Variants in C6 observed in about 807,000 individuals in gnomAD.
The protein encoded by C6 is complement component C6.
Under a neutral mutation model 112.9 loss-of-function variants are expected in C6, and 101 were observed. That is an observed-to-expected ratio of 0.89 (90% CI 0.76 to 1.06). The LOEUF is 1.06. Among genes scored for constraint, C6 ranks in the 50% least tolerant of loss-of-function variants. The pLI is 0.00. For synonymous variants in C6, 431 were observed against 384.1 expected, an observed-to-expected ratio of 1.12 and a Z score of -1.43; for missense variants, 1,202 against 1,104.6, an observed-to-expected ratio of 1.09 and a Z score of -1.25.
chr5:41,185,654 T>A (rs1479678088), intron 6 of C6, among the ~76,000 whole-genome samples: 1 of 152,172 alleles, frequency 6.6e-6, no homozygotes, highest in African/African-American at 2.4e-5. Flanking sequence ...ATTTTTCTTA[T>A]GAGCCTGGCA....
chr5:41,226,831 C>A (rs927379993), intron 1 of C6, among the ~76,000 whole-genome samples: 4 of 152,210 alleles, frequency 2.6e-5, no homozygotes, highest in Non-Finnish European at 2.9e-5. Flanking sequence ...TGTATATACA[C>A]CACATTTTCT....
At chr5:41,257,626 T>A (rs929235320) in intron 1 of C6, among the ~76,000 whole-genome samples, 1 of 152,102 alleles carries the variant, frequency 6.6e-6, no homozygotes, top group Non-Finnish European at 1.5e-5. Context: ...TAAGGAAGGG[T>A]TACCACTATG....
rs561385776 is a variant in C6, at chr5:41,169,839, T to A, written c.1291+2386A>T. Among the ~76,000 whole-genome samples the A allele has an allele frequency of 5.9e-5, 9 of 152,288 alleles. No homozygotes were observed. The South Asian group carries it at 1.9e-3, about 32-fold the overall frequency. On this transcript the variant is annotated intron_variant, in intron 9 of 17. Transcript: ENST00000337836. ...CCTCCAACATTGGGGATTACAATTCTAAATGAGATATGGGAAGGGATACAA... is the reference window on the plus strand; with the variant it reads ...CCTCCAACATTGGGGATTACAATTCAAAATGAGATATGGGAAGGGATACAA...
In C6 at chr5:41,199,906, C is replaced by A. The variant is rs780494075; in HGVS notation, c.307G>T (p.Val103Phe). The A allele has an allele frequency of 5.6e-6, 9 of 1,613,536 alleles. No individual in the cohort carries two copies. Among genetic ancestry groups the A allele is most frequent in the Non-Finnish European group, 7.6e-6 (9 of 1,179,678 alleles). The change falls in exon 4 of 18, where the codon GTT becomes TTT. Residue 103 changes from valine (V) to phenylalanine (F), a missense_variant. Transcript: ENST00000337836. ...CDPCIEKQSKVRSVLRPSQFG... is the reference protein window; with the variant it reads ...CDPCIEKQSKFRSVLRPSQFG... ...TGACTGGGACGCAAGACAGATCTAA[C>A]TTTAGACTGAAAGGAAAGAAGAGAA...
At chr5:41,153,780 C>T (rs1427345868) in intron 15 of C6, 30 bp downstream of exon 15, 2 of 1,563,974 alleles carry the variant, frequency 1.3e-6, no homozygotes, top group African/African-American at 2.7e-5. Context: ...ACCACCTTAT[C>T]AGACCCCAGA....
chr5:41,216,961 C>G (rs1181675575), upstream of C6, among the ~76,000 whole-genome samples: 1 of 151,986 alleles, frequency 6.6e-6, no homozygotes, highest in African/African-American at 2.4e-5. Flanking sequence ...TCCATATTAC[C>G]CTTTAGACTC....
chr5:41,172,269 A>T lies in C6; in HGVS notation c.1247T>A (p.Val416Glu). Residue 416 changes from valine (V) to glutamate (E), a missense_variant, in exon 9 of 18, where the codon GTG becomes GAG. Transcript: ENST00000337836. ...CTTGTTGGTGGTGCACCTATGTTCCACTTTTGTTTTCTTAGCAAATAAAAC... is the reference window on the plus strand; with the variant it reads ...CTTGTTGGTGGTGCACCTATGTTCCTCTTTTGTTTTCTTAGCAAATAAAAC... ...KRVLFAKKTKVEHRCTTNKLS... is the reference protein window; with the variant it reads ...KRVLFAKKTKEEHRCTTNKLS... The T allele has an allele frequency of 6.2e-7, 1 of 1,613,612 alleles. No homozygotes were observed. The highest frequency in any genetic ancestry group is 8.5e-7 in the Non-Finnish European group (1 of 1,179,688).
chr5:41,158,948 T>A, intron 12 of C6, 134 bp downstream of exon 12: 1 of 1,216,352 alleles, frequency 8.2e-7, no homozygotes, highest in Non-Finnish European at 1.2e-6. Flanking sequence ...CAGTGGCTCA[T>A]TAATATTCTG....
intron 8 of C6, 92 bp from the exon 9 acceptor site, chr5:41,172,439 A>G (rs1748507616): frequency 8.2e-7 from 1 of 1,223,006 alleles, no homozygotes. Flanking sequence ...GGATCTACAG[A>G]TACTTTATAT....
intron 1 of C6, among the ~76,000 whole-genome samples, chr5:41,218,844 T>A (rs1446202553): frequency 6.6e-6 from 1 of 152,194 alleles, no homozygotes; most frequent in African/African-American, 2.4e-5. Context: ...GGAAAAAATG[T>A]ACATGTGAGA....
intron 1 of C6, among the ~76,000 whole-genome samples, chr5:41,229,813 T>C (rs942592031): frequency 6.6e-6 from 1 of 152,200 alleles, no homozygotes; most frequent in African/African-American, 2.4e-5. Context: ...CAGTTTATTC[T>C]TTCAGTTCTG....
Position 41,231,643 on chromosome 5 carries a change from C to T in C6, c.-20-28393G>A, listed in dbSNP as rs371158508. 5.9e-5 allele frequency among the ~76,000 whole-genome samples: 9 copies of T among 152,112 alleles called. No individual in the cohort carries two copies. The East Asian group carries it at 1.2e-3, about 20-fold the overall frequency. On this transcript the variant is annotated intron_variant, in intron 1 of 17. Transcript: ENST00000263413. Reference sequence around the variant, plus strand: ...CTTTTTAAAAATAAATTCTGATCCTCTGGTAAAATTCTCCATTTTGACATT... The same window carrying T: ...CTTTTTAAAAATAAATTCTGATCCTTTGGTAAAATTCTCCATTTTGACATT...
rs771875970 is a variant in C6 at position 41,181,410 on chromosome 5, A to G, written c.876T>C (p.Asn292=). Residue 292 remains asparagine (N), a synonymous_variant, in exon 7 of 18, where the codon AAT becomes AAC. Coordinates refer to ENST00000337836, the MANE Select transcript of C6 (RefSeq NM_000065.5). ...GTTTGAAGGCAGAATTATGGTTGAT[A>G]TTTTCACTTCTCTTTGAGGAATAAA... ...PIFYSSKRSE[N]INHNSAFKQA... is the part of the protein sequence containing the mutation. 7 of 1,613,662 alleles carry G rather than the reference A, an allele frequency of 4.3e-6. No individual in the cohort carries two copies. In the South Asian group the frequency reaches 6.6e-5, roughly 15 times the overall value.
chr5:41,237,189 T>C (rs1374908960), intron 1 of C6, among the ~76,000 whole-genome samples: 1 of 137,320 alleles, frequency 7.3e-6, no homozygotes, highest in Admixed American at 7.5e-5. Context: ...ACTTTTCTAA[T>C]CAATAGAAAA....
At chr5:41,174,132 T>C (rs1228619265) in intron 8 of C6, among the ~76,000 whole-genome samples, 3 of 152,234 alleles carry the variant, frequency 2.0e-5, no homozygotes, top group Admixed American at 1.3e-4. Context: ...TATAGATGAA[T>C]CTTCAAAGAT....
At chr5:41,195,769 G>C (rs753475112) in intron 5 of C6, 23 bp downstream of exon 5, 1 of 1,611,208 alleles carries the variant, frequency 6.2e-7, no homozygotes, top group African/African-American at 1.3e-5. Context: ...TTCTCCCCAA[G>C]ATGATAAAAA....
At chr5:41,224,899 C>T (rs1242028311) in intron 1 of C6, among the ~76,000 whole-genome samples, 1 of 152,092 alleles carries the variant, frequency 6.6e-6, no homozygotes, top group African/African-American at 2.4e-5. Context: ...TCTTTGCATC[C>T]TTGCCAACAC....
chr5:41,231,948 T>C (rs1739929754), intron 1 of C6, among the ~76,000 whole-genome samples: 1 of 152,050 alleles, frequency 6.6e-6, no homozygotes, highest in Non-Finnish European at 1.5e-5. Context: ...TACTCAGTGA[T>C]TGGGATAATT....
chr5:41,235,613 A>G (rs1190922783), intron 1 of C6, among the ~76,000 whole-genome samples: 10 of 138,364 alleles, frequency 7.2e-5, no homozygotes, highest in African/African-American at 2.8e-4. Flanking sequence ...GGCTGGGTCA[A>G]ATGGTATTTC....
Sources: allele counts gnomAD v4.1 joint callset (sites outside exome capture counted in the v4.1 genomes callset), GRCh38; gene constraint gnomAD v4.1.1; transcripts MANE v1.5; gene names NCBI Gene and HGNC (gene_info 2026-07-23, HGNC 2026-07-21).